MEGF11: variants seen among roughly 807,000 people sequenced by gnomAD.
MEGF11 encodes multiple epidermal growth factor-like domains protein 11.
In MEGF11, 126 loss-of-function variants were observed where a neutral mutation model predicts 146.6. The ratio of observed to expected loss-of-function variants is 0.86; its 90% CI spans 0.74 to 1.00. The LOEUF is 1.00. Ranked by LOEUF, MEGF11 falls within the 50% of genes least tolerant of loss-of-function variation. The pLI is 0.00. For missense variants in MEGF11, 1,509 were observed against 1,521.2 expected, an observed-to-expected ratio of 0.99 and a Z score of 0.13; for synonymous variants, 532 against 583.4, an observed-to-expected ratio of 0.91 and a Z score of 1.27.
At chr15:66,108,681 CAGG>C (rs1481274548) in intron 4 of MEGF11, among the ~76,000 whole-genome samples, 6 of 152,108 alleles carry the variant, frequency 3.9e-5, no homozygotes. Flanking sequence ...TTCCTGTGTA[CAGG>C]AGGAGCCAGG....
intron 14 of MEGF11, 81 bp downstream of exon 14, chr15:65,922,742 C>G (rs1474984561): frequency 3.3e-6 from 5 of 1,512,066 alleles, no homozygotes; most frequent in African/African-American, 1.4e-5. Context: ...CAGCCTCTCT[C>G]AGGCCATGGC....
intron 5 of MEGF11, among the ~76,000 whole-genome samples, chr15:66,015,066 A>G (rs997179486): frequency 6.6e-6 from 1 of 152,232 alleles, no homozygotes; most frequent in African/African-American, 2.4e-5. Context: ...GTAACAAAAC[A>G]TGAAGTTGCA....
intron 23 of MEGF11, among the ~76,000 whole-genome samples, chr15:65,907,735 T>C (rs180992159): frequency 5.6e-4 from 85 of 152,336 alleles, no homozygotes; most frequent in African/African-American, 2.0e-3. Context: ...GGAAGCTGGC[T>C]AGGGTATTAA....
At chr15:65,969,082 T>C (rs1024916375) in intron 8 of MEGF11, among the ~76,000 whole-genome samples, 4 of 152,170 alleles carry the variant, frequency 2.6e-5, no homozygotes, top group African/African-American at 9.7e-5. Flanking sequence ...TAGGGGTTCC[T>C]CTCTGCCCAG....
chr15:66,146,204 T>C lies in MEGF11; in HGVS notation c.-8-17793A>G, dbSNP rs957809595. Reference sequence around the variant, plus strand: ...AGGGTGGTTGTAAAGATCAAAAAGATAACGCAAGCGAAAGTGCTTTGAAAT... The same window carrying C: ...AGGGTGGTTGTAAAGATCAAAAAGACAACGCAAGCGAAAGTGCTTTGAAAT... On this transcript the variant is annotated intron_variant, in intron 1 of 25. Transcript: ENST00000395614. Among the ~76,000 whole-genome samples, 4 of 152,316 alleles carry C rather than the reference T, an allele frequency of 2.6e-5. No individual in the cohort carries two copies. The East Asian group carries it at 7.7e-4, about 29-fold the overall frequency.
In MEGF11 at chr15:65,943,843, A is replaced by G. The variant is rs528561963; in HGVS notation, c.1288-12900T>C. ...TCAGGGAGGGGTGGCTTGGATCTAT[A>G]GGGTATACATGCATGTGTACCGTAA... On this transcript the variant is annotated intron_variant, in intron 10 of 25. Coordinates refer to ENST00000395614, the MANE Select transcript of MEGF11 (RefSeq NM_001385028.1). 7.2e-5 allele frequency among the ~76,000 whole-genome samples: 11 copies of G among 152,248 alleles called. No homozygotes were observed. The South Asian group carries it at 2.3e-3, about 32-fold the overall frequency.
intron 3 of MEGF11, among the ~76,000 whole-genome samples, chr15:66,123,068 C>T (rs948177205): frequency 6.6e-6 from 1 of 152,190 alleles, no homozygotes; most frequent in African/African-American, 2.4e-5. Flanking sequence ...CAGGCGTGAG[C>T]CACCGTGCCT....
At chr15:66,154,954 C>A (rs1205272636) in intron 1 of MEGF11, among the ~76,000 whole-genome samples, 3 of 152,238 alleles carry the variant, frequency 2.0e-5, no homozygotes, top group Non-Finnish European at 2.9e-5. Context: ...AAGGAACCAT[C>A]AAGCTCTCTG....
At chr15:65,907,785 A>G (rs541381485) in intron 23 of MEGF11, among the ~76,000 whole-genome samples, 1 of 152,376 alleles carries the variant, frequency 6.6e-6, no homozygotes, top group East Asian at 1.9e-4. Context: ...CCCAAAGAGC[A>G]ACAGTGGCTT....
chr15:66,184,754 C>T (rs1258834577), intron 1 of MEGF11, among the ~76,000 whole-genome samples: 3 of 151,782 alleles, frequency 2.0e-5, no homozygotes, highest in South Asian at 2.1e-4. Flanking sequence ...ACCGTGTTTC[C>T]GTCTGCTCAG....
At chr15:65,977,827 A>T (rs1313687412) in intron 7 of MEGF11, among the ~76,000 whole-genome samples, 1 of 150,714 alleles carries the variant, frequency 6.6e-6, no homozygotes, top group Non-Finnish European at 1.5e-5. Flanking sequence ...AAGACTGTGA[A>T]CTCCTAAGGG....
chr15:65,957,513 T>C, intron 10 of MEGF11, 34 bp downstream of exon 10: 5 of 1,598,314 alleles, frequency 3.1e-6, no homozygotes, highest in Non-Finnish European at 4.3e-6. Context: ...CCGGTGGAGG[T>C]CAGGAAGGCC....
At chr15:66,079,537 A>ATC (rs796735897) in intron 5 of MEGF11, among the ~76,000 whole-genome samples, 50 of 122,108 alleles carry the variant, frequency 4.1e-4, no homozygotes, top group Admixed American at 3.8e-3. Flanking sequence ...CTTCATTCAC[A>ATC]CCCCCCCCCC....
At chr15:65,911,930 T>TACC in intron 21 of MEGF11, among the ~76,000 whole-genome samples, 152 bp downstream of exon 21, 1 of 152,342 alleles carries the variant, frequency 6.6e-6, no homozygotes, top group East Asian at 1.9e-4. Flanking sequence ...TGTTTACGTG[T>TACC]ACCACGGATT....
At chr15:66,167,836 G>T (rs193094666) in intron 1 of MEGF11, among the ~76,000 whole-genome samples, 3 of 152,266 alleles carry the variant, frequency 2.0e-5, no homozygotes, top group African/African-American at 7.2e-5. Context: ...TTTTAACCAC[G>T]CTGGTGCCTC....
Position 65,917,960 on chromosome 15 carries a change from G to C in MEGF11, c.2086+6C>G. ...GTAGGGGCATTCCCAGGTGGCAGCA[G>C]CTTACCCTGTGAGCAGTCCTTGCCA... On this transcript the variant is annotated splice_donor_region_variant and intron_variant, in intron 16 of 25. Transcript: ENST00000395614. 1.2e-6 allele frequency: 2 copies of C among 1,613,978 alleles called. No individual in the cohort carries two copies. The highest frequency in any genetic ancestry group is 1.3e-5 in the African/African-American group (1 of 75,050).
chr15:66,009,978 T>A (rs1375501523), intron 5 of MEGF11, among the ~76,000 whole-genome samples: 2 of 152,138 alleles, frequency 1.3e-5, no homozygotes, highest in African/African-American at 4.8e-5. Context: ...TCAGAAAATA[T>A]TTTTTAGTAC....
chr15:66,174,970 G>C (rs1231174875), intron 1 of MEGF11, among the ~76,000 whole-genome samples: 2 of 152,116 alleles, frequency 1.3e-5, no homozygotes, highest in Admixed American at 6.6e-5. Context: ...TTGTAAATGA[G>C]ATTGCTTTCT....
chr15:66,056,833 T>TC (rs2084693821), intron 5 of MEGF11, among the ~76,000 whole-genome samples: 1 of 151,836 alleles, frequency 6.6e-6, no homozygotes, highest in South Asian at 2.1e-4. Flanking sequence ...ACCTCCAAGG[T>TC]CCCCCTTCAC....
Sources: allele counts gnomAD v4.1 joint callset (sites outside exome capture counted in the v4.1 genomes callset), GRCh38; gene constraint gnomAD v4.1.1; transcripts MANE v1.5; gene names NCBI Gene and HGNC (gene_info 2026-07-23, HGNC 2026-07-21).